The following BTBD9 variants were observed in gnomAD, a reference collection of about 807,000 sequenced individuals.
The protein encoded by BTBD9 is BTB domain containing 9.
A neutral mutation model predicts 64.3 loss-of-function variants in BTBD9; 49 were observed. The observed-to-expected ratio is 0.76, with a 90% CI of 0.61 to 0.97. The LOEUF (loss-of-function observed/expected upper bound fraction) is 0.97. BTBD9 is among the 50% of genes least tolerant of loss of function. The pLI is 0.00. For missense variants in BTBD9, 598 were observed against 762.1 expected (o/e 0.78, Z 2.53); for synonymous variants, 260 against 274.7 (o/e 0.95, Z 0.53).
chr6:38,443,062 G>A (rs149176749), intron 6 of BTBD9, among the ~76,000 whole-genome samples: 65 of 152,298 alleles, frequency 4.3e-4, no homozygotes, highest in African/African-American at 1.5e-3. Context: ...TTTCTGCTAT[G>A]TTTGTGAAGC....
chr6:38,546,742 C>T (rs1331305914), intron 6 of BTBD9, among the ~76,000 whole-genome samples: 1 of 152,230 alleles, frequency 6.6e-6, no homozygotes, highest in Non-Finnish European at 1.5e-5. Context: ...GATCTTGGCT[C>T]ACCGCAACCT....
At chr6:38,484,918 T>C (rs1306464037) in intron 6 of BTBD9, among the ~76,000 whole-genome samples, 2 of 152,178 alleles carry the variant, frequency 1.3e-5, no homozygotes, top group African/African-American at 2.4e-5. Context: ...AGTAAGACAA[T>C]GATGAAGTCT....
chr6:38,185,217 T>C (rs1761765978), intron 10 of BTBD9, among the ~76,000 whole-genome samples: 1 of 152,206 alleles, frequency 6.6e-6, no homozygotes, highest in Non-Finnish European at 1.5e-5. Flanking sequence ...GTCTCTACCA[T>C]CAATCAGGTA....
At chr6:38,369,098 C>T (rs1429537521) in intron 6 of BTBD9, among the ~76,000 whole-genome samples, 1 of 152,196 alleles carries the variant, frequency 6.6e-6, no homozygotes, top group Admixed American at 6.5e-5. Flanking sequence ...AGCCAATCAA[C>T]AAGTCCTTCC....
chr6:38,603,787 T>C (rs1483784242), intron 1 of BTBD9, among the ~76,000 whole-genome samples: 2 of 152,226 alleles, frequency 1.3e-5, no homozygotes, highest in Admixed American at 6.5e-5. Context: ...TGCTCTTTAA[T>C]TGCAAAATAT....
In BTBD9 at chr6:38,465,333, T is replaced by C. The variant is rs1000990355; in HGVS notation, c.1154+112267A>G. On this transcript the variant is annotated intron_variant, in intron 6 of 10. Coordinates refer to ENST00000481247, the MANE Select transcript of BTBD9 (RefSeq NM_001099272.2). ...CAATTTATTTAATATATATGGGTACTCAGGCCGGGTGCGGTGGCTCACGCC... is the reference window on the plus strand; with the variant it reads ...CAATTTATTTAATATATATGGGTACCCAGGCCGGGTGCGGTGGCTCACGCC... Among the ~76,000 whole-genome samples, 5 of 150,510 alleles carry C rather than the reference T, an allele frequency of 3.3e-5. No homozygotes were observed. The East Asian group carries it at 9.8e-4, about 29-fold the overall frequency.
At chr6:38,435,111 T>A (rs564111236) in intron 6 of BTBD9, among the ~76,000 whole-genome samples, 1 of 147,670 alleles carries the variant, frequency 6.8e-6, no homozygotes, top group Non-Finnish European at 1.5e-5. Flanking sequence ...GGAGAATAGC[T>A]TGAACCTGGA....
At position 38,281,252 on chromosome 6, in the gene BTBD9, G is replaced by A. The variant is rs988549702; in HGVS notation, c.1454+7020C>T. On this transcript the variant is annotated intron_variant, in intron 8 of 10. Transcript: ENST00000481247. ...AGTTAGGCAGGGTGGTAAGCAGCAG[G>A]AAGAAGAAAAAATAGCAGTCTAAAG... is the stretch of plus-strand genomic sequence containing the variant. 2.6e-5 allele frequency among the ~76,000 whole-genome samples: 4 copies of A among 152,058 alleles called. No individual in the cohort carries two copies. The South Asian group carries it at 6.2e-4, about 24-fold the overall frequency.
At chr6:38,639,610 G>A (rs1379624761) in intron 1 of BTBD9, among the ~76,000 whole-genome samples, 190 bp downstream of exon 1, 1 of 152,116 alleles carries the variant, frequency 6.6e-6, no homozygotes, top group Non-Finnish European at 1.5e-5. Flanking sequence ...GAACGGGACG[G>A]CTACCGCTCT....
At chr6:38,399,408 T>C (rs1766828162) in intron 6 of BTBD9, among the ~76,000 whole-genome samples, 1 of 152,246 alleles carries the variant, frequency 6.6e-6, no homozygotes, top group Admixed American at 6.5e-5. Context: ...GTTTCTGCTA[T>C]GTTTTCTACT....
intron 9 of BTBD9, among the ~76,000 whole-genome samples, chr6:38,226,134 C>T (rs981708509): frequency 6.6e-6 from 1 of 152,196 alleles, no homozygotes; most frequent in African/African-American, 2.4e-5. Context: ...TGTTTCTTTG[C>T]TCCATCCATA....
At chr6:38,492,042 T>C (rs1175906627) in intron 6 of BTBD9, among the ~76,000 whole-genome samples, 2 of 152,252 alleles carry the variant, frequency 1.3e-5, no homozygotes, top group African/African-American at 4.8e-5. Context: ...CATTATTGTT[T>C]ACTCTGTTGT....
At chr6:38,457,060 C>T (rs576661680) in intron 6 of BTBD9, among the ~76,000 whole-genome samples, 2 of 152,024 alleles carry the variant, frequency 1.3e-5, no homozygotes, top group South Asian at 2.1e-4. Flanking sequence ...AAAGCAAAAG[C>T]GCTAGGGTGG....
Position 38,175,487 on chromosome 6 carries a change from A to G in BTBD9, c.1642-305T>C, listed in dbSNP as rs549304846. On this transcript the variant is annotated intron_variant, in intron 10 of 10. Transcript: ENST00000481247. ...CTCCGTTTTTGCCAACCTTTGTCTA[A>G]TGGGCTCTTTTTTCTTTTTTAATTA... Among the ~76,000 whole-genome samples, 16 of 152,322 alleles carry G rather than the reference A, an allele frequency of 1.1e-4. No individual in the cohort carries two copies. In the East Asian group the frequency reaches 2.9e-3, roughly 28 times the overall value.
chr6:38,350,940 T>G (rs1764478890), intron 6 of BTBD9, among the ~76,000 whole-genome samples: 1 of 152,222 alleles, frequency 6.6e-6, no homozygotes, highest in Admixed American at 6.5e-5. Flanking sequence ...ACGTAATGCC[T>G]GTGGTTTTCC....
In BTBD9 at chr6:38,282,371, T is replaced by G. The variant is rs191717167; in HGVS notation, c.1454+5901A>C. ...CCTTTATTTCCCAGTTATGCTACCT[T>G]GGGAATGAGAAAGAAATGCAAGAGA... On this transcript the variant is annotated intron_variant, in intron 8 of 10. Coordinates refer to ENST00000481247, the MANE Select transcript of BTBD9 (RefSeq NM_001099272.2). 3.0e-3 allele frequency among the ~76,000 whole-genome samples: 450 copies of G among 152,252 alleles called. 1 individual carries two copies. The highest frequency in any genetic ancestry group is 3.9e-3 in the South Asian group (19 of 4,822).
chr6:38,417,906 G>A (rs1462657639), intron 6 of BTBD9, among the ~76,000 whole-genome samples: 2 of 151,862 alleles, frequency 1.3e-5, no homozygotes, highest in Admixed American at 6.6e-5. Flanking sequence ...TCTTTGTTTT[G>A]GATAGCCAAT....
In BTBD9 at chr6:38,480,083, G is replaced by C. The variant is rs75049678; in HGVS notation, c.1154+97517C>G. Among the ~76,000 whole-genome samples, 926 of 152,266 alleles carry C rather than the reference G, an allele frequency of 6.1e-3. 8 individuals carry two copies. Among genetic ancestry groups the C allele is most frequent in the South Asian group, 0.019 (94 of 4,828 alleles). On this transcript the variant is annotated intron_variant, in intron 6 of 10. Transcript: ENST00000481247. The stretch of plus-strand genomic sequence containing the variant: ...TTTCTATAGACTGCTAAGAGAAATA[G>C]AAGGGAAAAAAGCAATACAATACTT...
intron 8 of BTBD9, among the ~76,000 whole-genome samples, chr6:38,284,708 T>C (rs1479597804): frequency 2.6e-5 from 4 of 152,274 alleles, no homozygotes; most frequent in Non-Finnish European, 5.9e-5. Context: ...AATGCTCTGA[T>C]AGAAATTGTA....
Sources: gnomAD v4.1 joint callset for allele counts (sites outside exome capture counted in the v4.1 genomes callset) on GRCh38, gnomAD v4.1.1 for gene constraint, MANE v1.5 for transcripts, NCBI Gene and HGNC (gene_info 2026-07-23, HGNC 2026-07-21) for gene names.